The following PRKACB variants were observed in gnomAD, a reference collection of about 807,000 sequenced individuals.
PRKACB encodes the protein protein kinase cAMP-activated catalytic subunit beta, also known as cAMP-dependent protein kinase catalytic subunit beta.
Under a neutral mutation model 51.4 loss-of-function variants are expected in PRKACB, and 16 were observed. That is an observed-to-expected ratio of 0.31 (90% CI 0.21 to 0.47). The LOEUF (loss-of-function observed/expected upper bound fraction) is 0.47. Among genes scored for constraint, PRKACB ranks in the 20% least tolerant of loss-of-function variants. PRKACB has a pLI of 1.00. For missense variants in PRKACB, 309 were observed against 464.5 expected (o/e 0.67, Z 3.08); for synonymous variants, 147 against 154.4 (o/e 0.95, Z 0.35).
chr1:84,152,918 T>C (rs1294565689), intron 1 of PRKACB, among the ~76,000 whole-genome samples: 2 of 152,196 alleles, frequency 1.3e-5, no homozygotes, highest in African/African-American at 4.8e-5. Flanking sequence ...GAGGCCTAGC[T>C]TTTGGCCTGT....
chr1:84,166,519 T>A (rs1239486505), intron 1 of PRKACB, among the ~76,000 whole-genome samples: 1 of 151,716 alleles, frequency 6.6e-6, no homozygotes, highest in Admixed American at 6.6e-5. Context: ...TCATATTGGC[T>A]TTCCCTTCTA....
intron 1 of PRKACB, among the ~76,000 whole-genome samples, chr1:84,131,849 A>C (rs751781823): frequency 6.6e-6 from 1 of 152,202 alleles, no homozygotes; most frequent in Admixed American, 6.5e-5. Context: ...AGGCCCCCAC[A>C]CTTTCATGGG....
chr1:84,232,357 G>A (rs951132417), intron 9 of PRKACB, among the ~76,000 whole-genome samples: 3 of 152,090 alleles, frequency 2.0e-5, no homozygotes, highest in Non-Finnish European at 4.4e-5. Context: ...GGTCAATATT[G>A]GAATAGGTGT....
At chr1:84,112,087 A>G (rs371480316) in intron 1 of PRKACB, among the ~76,000 whole-genome samples, 7 of 152,284 alleles carry the variant, frequency 4.6e-5, no homozygotes, top group African/African-American at 1.7e-4. Context: ...GCCTAACTCA[A>G]AGACACAAGA....
At chr1:84,088,957 A>G (rs1648240139) in intron 1 of PRKACB, among the ~76,000 whole-genome samples, 1 of 152,202 alleles carries the variant, frequency 6.6e-6, no homozygotes, top group African/African-American at 2.4e-5. Flanking sequence ...TTCTGAGATC[A>G]TCTTGGGAAA....
chr1:84,183,901 ATT>A lies in PRKACB; in HGVS notation c.379-135_379-134del, dbSNP rs1313808477. 3 of 927,108 alleles carry A rather than the reference ATT, an allele frequency of 3.2e-6. No homozygotes were observed. In the African/African-American group the frequency reaches 5.2e-5, roughly 16 times the overall value. The allele number at this position is 927,108 out of a possible 1,614,324, so 57.4% of individuals were successfully genotyped here. A position where few individuals can be genotyped will look rare whatever the true frequency, so the allele number is the denominator to read the frequency against. On this transcript the variant is annotated intron_variant, in intron 3 of 9. Transcript: ENST00000370685. ...TTATGCACCAACCTAAAAGTTGGTA[ATT>A]GTTATTATCTTCCTTATCCAATTCT...
chr1:84,087,818 A>G (rs1432442914), intron 1 of PRKACB, among the ~76,000 whole-genome samples: 1 of 152,148 alleles, frequency 6.6e-6, no homozygotes. Flanking sequence ...TTTCCCCGAT[A>G]TGGTGGTATA....
At chr1:84,209,485 G>A (rs997197905) in intron 8 of PRKACB, among the ~76,000 whole-genome samples, 1 of 152,070 alleles carries the variant, frequency 6.6e-6, no homozygotes, top group Admixed American at 6.6e-5. Context: ...AATGCACAGG[G>A]AAACCATTTT....
At chr1:84,112,822 ATAGT>A (rs1650343022) in intron 1 of PRKACB, among the ~76,000 whole-genome samples, 1 of 152,112 alleles carries the variant, frequency 6.6e-6, no homozygotes, top group Admixed American at 6.6e-5. Flanking sequence ...CTTAGGATTG[ATAGT>A]TAAAGTCTTA....
chr1:84,190,301 G>T (rs1036538642), intron 5 of PRKACB, among the ~76,000 whole-genome samples: 1 of 151,704 alleles, frequency 6.6e-6, no homozygotes, highest in African/African-American at 2.4e-5. Flanking sequence ...TAACATAACT[G>T]TAAGACTTTA....
chr1:84,162,200 C>A (rs916887244), intron 1 of PRKACB, among the ~76,000 whole-genome samples: 26 of 151,970 alleles, frequency 1.7e-4, no homozygotes, highest in African/African-American at 6.0e-4. Flanking sequence ...CATCATTTTT[C>A]TCTTGCTGCT....
intron 1 of PRKACB, chr1:84,173,454 GT>G: frequency 9.8e-7 from 1 of 1,019,070 alleles, no homozygotes; most frequent in Non-Finnish European, 1.5e-6. Flanking sequence ...TTTGTGTTGA[GT>G]TTTTACAATT....
chr1:84,173,332 G>A lies in PRKACB; in HGVS notation c.188-5845G>A, dbSNP rs756910770. On this transcript the variant is annotated intron_variant, in intron 1 of 9. Transcript: ENST00000370685. The stretch of plus-strand genomic sequence containing the variant: ...CTGTTTATTCTTTTTGATCAAGCAC[G>A]CAAATCATCAGATGCATCTGGTAGG... 2.4e-5 allele frequency: 37 copies of A among 1,572,882 alleles called. 1 individual carries two copies. In the Admixed American group the frequency reaches 3.4e-4, roughly 15 times the overall value.
chr1:84,195,700 G>A (rs998724440), intron 5 of PRKACB, among the ~76,000 whole-genome samples: 7 of 152,012 alleles, frequency 4.6e-5, no homozygotes, highest in Non-Finnish European at 1.0e-4. Flanking sequence ...ATCATTTGAG[G>A]TCAGGTATTC....
intron 8 of PRKACB, among the ~76,000 whole-genome samples, chr1:84,211,810 A>G (rs567857390): frequency 3.3e-5 from 5 of 152,312 alleles, no homozygotes; most frequent in Middle Eastern, 3.4e-3. Context: ...GAGCCAGTAC[A>G]GAAAGTGTTT....
At chr1:84,199,128 T>C (rs1669294668) in intron 7 of PRKACB, among the ~76,000 whole-genome samples, 1 of 147,882 alleles carries the variant, frequency 6.8e-6, no homozygotes, top group African/African-American at 2.5e-5. Context: ...TATATATATA[T>C]ATATACACAC....
Position 84,182,239 on chromosome 1 carries a change from C to A in PRKACB, c.289C>A (p.Leu97Ile). The change falls in exon 3 of 10, where the codon CTT becomes ATT. Residue 97 changes from leucine to isoleucine, a missense_variant. Physicochemically the swap from Leu to Ile is conservative, Grantham distance 5. Transcript: ENST00000370685. ...GLEDFERKKTLGTGSFGRVML... is the reference protein window; with the variant it reads ...GLEDFERKKTIGTGSFGRVML... ...TGAAGATTTTGAAAGGAAAAAAACC[C>A]TTGGAACAGGTTCATTTGGAAGAGT... is the stretch of plus-strand genomic sequence containing the variant. 6.3e-7 allele frequency: 1 copy of A among 1,595,252 alleles called. No individual in the cohort carries two copies. The highest frequency in any genetic ancestry group is 8.6e-7 in the Non-Finnish European group (1 of 1,168,744).
intron 7 of PRKACB, among the ~76,000 whole-genome samples, chr1:84,202,107 C>T (rs964601134): frequency 2.0e-5 from 3 of 152,000 alleles, no homozygotes; most frequent in African/African-American, 7.2e-5. Context: ...TAAATATTTA[C>T]ATGAATTGAA....
chr1:84,196,744 T>TCAC lies in PRKACB; in HGVS notation c.687+2_687+3insCAC. ...ATTGACCATCAAGGCTATATCCAGGTATGACTTTAACACATTATGTGTACT... is the reference window on the plus strand; with the variant it reads ...ATTGACCATCAAGGCTATATCCAGGTCACATGACTTTAACACATTATGTGTACT... On this transcript the variant is annotated splice_region_variant and intron_variant, in intron 6 of 9. Coordinates refer to ENST00000370685, the MANE Select transcript of PRKACB (RefSeq NM_182948.4). 6.2e-7 allele frequency: 1 copy of TCAC among 1,611,784 alleles called. No homozygotes were observed. The highest frequency in any genetic ancestry group is 8.5e-7 in the Non-Finnish European group (1 of 1,178,184).
Sources: gnomAD v4.1 joint callset for allele counts (sites outside exome capture counted in the v4.1 genomes callset) on GRCh38, gnomAD v4.1.1 for gene constraint, MANE v1.5 for transcripts, NCBI Gene and HGNC (gene_info 2026-07-23, HGNC 2026-07-21) for gene names.